HLF: variants seen among roughly 807,000 people sequenced by gnomAD.
HLF encodes HLF transcription factor, PAR bZIP family member.
HLF carries 3 observed loss-of-function variants against 22.6 expected under a neutral mutation model. The ratio of observed to expected loss-of-function variants is 0.13; its 90% confidence interval spans 0.06 to 0.34. The LOEUF is 0.34. Among genes scored for constraint, HLF ranks in the 10% least tolerant of loss-of-function variants. The probability of loss-of-function intolerance (pLI) is 1.00; values close to 1 mark genes in which losing one functional copy is unlikely to be tolerated. For missense variants in HLF, 299 were observed against 389.2 expected (o/e 0.77, Z 1.95); for synonymous variants, 151 against 151.8 (o/e 0.99, Z 0.04).
intron 2 of HLF, among the ~76,000 whole-genome samples, chr17:55,305,777 G>T (rs1259035396): frequency 6.6e-6 from 1 of 152,190 alleles, no homozygotes; most frequent in Non-Finnish European, 1.5e-5. Flanking sequence ...CATTCTGGAA[G>T]GCTGGGTGCC....
intron 2 of HLF, among the ~76,000 whole-genome samples, chr17:55,295,818 A>G (rs942314691): frequency 2.7e-4 from 41 of 152,224 alleles, no homozygotes; most frequent in Non-Finnish European, 3.1e-4. Flanking sequence ...GAAGATGAGT[A>G]AATCAGAGAA....
intron 2 of HLF, among the ~76,000 whole-genome samples, chr17:55,311,516 A>AG (rs1432558990): frequency 1.3e-5 from 2 of 152,092 alleles, no homozygotes; most frequent in Non-Finnish European, 2.9e-5. Context: ...AGAAAAAAAA[A>AG]CAAAAACAAA....
chr17:55,271,634 A>G (rs1282697215), intron 2 of HLF: 1 of 152,020 alleles, frequency 6.6e-6, no homozygotes, highest in African/African-American at 2.4e-5. Flanking sequence ...GGTCCAAGCT[A>G]TTTTCCTGCT....
intron 3 of HLF, 65 bp downstream of exon 3, chr17:55,315,512 G>A: frequency 8.3e-7 from 1 of 1,210,522 alleles, no homozygotes; most frequent in East Asian, 2.4e-5. Flanking sequence ...CAGATTAAAA[G>A]GGTGACCCCA....
chr17:55,293,194 A>G (rs1311663317), intron 2 of HLF, among the ~76,000 whole-genome samples: 1 of 152,242 alleles, frequency 6.6e-6, no homozygotes, highest in Non-Finnish European at 1.5e-5. Flanking sequence ...TGATTTGATC[A>G]TTACACATTA....
intron 1 of HLF, chr17:55,265,839 TC>T (rs1412298563): frequency 3.2e-6 from 4 of 1,265,646 alleles, no homozygotes; most frequent in Non-Finnish European, 4.0e-6. Flanking sequence ...GCACCCGGCC[TC>T]CCTGGGTCCC....
chr17:55,306,673 AG>A (rs1042250020), intron 2 of HLF, among the ~76,000 whole-genome samples: 1 of 152,116 alleles, frequency 6.6e-6, no homozygotes, highest in African/African-American at 2.4e-5. Context: ...GAGCTATGAC[AG>A]GTTCCCAGCT....
At chr17:55,268,178 G>A in intron 2 of HLF, 92 bp downstream of exon 2, 1 of 933,250 alleles carries the variant, frequency 1.1e-6, no homozygotes, top group South Asian at 1.7e-5. Flanking sequence ...TTAACACTCA[G>A]GTTTTAGCAA....
rs57778237 is a variant in HLF at position 55,324,327 on chromosome 17, T to C, written c.*3448T>C. 460 of 228,946 alleles carry C rather than the reference T, an allele frequency of 2.0e-3. 4 individuals are homozygous for C. Among genetic ancestry groups the C allele is most frequent in the African/African-American group, 9.4e-3 (423 of 45,210 alleles). The allele number at this position is 228,946 out of a possible 1,614,324, so 14.2% of individuals were successfully genotyped here. On this transcript the variant is annotated 3_prime_UTR_variant, in exon 4 of 4. Transcript: ENST00000226067. ...GTAATTCCAAATGTACAATCAGATG[T>C]CTAGGGTCTGTTTTCGGAAGAAGCA...
chr17:55,269,984 T>C (rs969904210), intron 2 of HLF, among the ~76,000 whole-genome samples: 1 of 152,250 alleles, frequency 6.6e-6, no homozygotes, highest in Non-Finnish European at 1.5e-5. Context: ...ATATTGGGTG[T>C]TCACACCTTG....
chr17:55,301,312 T>G (rs1270990525), intron 2 of HLF, among the ~76,000 whole-genome samples: 8 of 152,274 alleles, frequency 5.3e-5, no homozygotes, highest in Admixed American at 5.2e-4. Flanking sequence ...AGAGCCTGGC[T>G]CATAGTAGGG....
At chr17:55,304,212 G>A (rs1904435518) in intron 2 of HLF, among the ~76,000 whole-genome samples, 1 of 152,122 alleles carries the variant, frequency 6.6e-6, no homozygotes, top group Admixed American at 6.5e-5. Flanking sequence ...ACAGCTATCG[G>A]GTAGGAGGAG....
chr17:55,292,938 G>T (rs551557700), intron 2 of HLF, among the ~76,000 whole-genome samples: 1 of 152,318 alleles, frequency 6.6e-6, no homozygotes, highest in East Asian at 1.9e-4. Context: ...GAGCTAAAAA[G>T]GTTGATCTCA....
intron 2 of HLF, chr17:55,272,470 C>G (rs2080866772): frequency 6.6e-6 from 1 of 152,106 alleles, no homozygotes; most frequent in Non-Finnish European, 1.5e-5. Context: ...GGCTGTCTTT[C>G]TAGTTCTGAG....
At chr17:55,280,045 C>G (rs1474286222) in intron 2 of HLF, among the ~76,000 whole-genome samples, 1 of 152,190 alleles carries the variant, frequency 6.6e-6, no homozygotes, top group Non-Finnish European at 1.5e-5. Context: ...CAGAGGATTC[C>G]TGGAGAAGTA....
intron 2 of HLF, among the ~76,000 whole-genome samples, chr17:55,312,340 CT>C (rs1428836940): frequency 6.6e-6 from 1 of 152,088 alleles, no homozygotes; most frequent in African/African-American, 2.4e-5. Context: ...TATTTCTTGA[CT>C]TTTTAATAGC....
chr17:55,282,225 G>A (rs879494760), intron 2 of HLF, among the ~76,000 whole-genome samples: 1 of 152,242 alleles, frequency 6.6e-6, no homozygotes, highest in African/African-American at 2.4e-5. Flanking sequence ...GTTCTAAAAT[G>A]CACTTGTAGT....
Position 55,320,640 on chromosome 17 carries a change from T to G in HLF, c.673-24T>G. 6.2e-7 allele frequency: 1 copy of G among 1,608,372 alleles called. No homozygotes were observed. The highest frequency in any genetic ancestry group is 1.1e-5 in the South Asian group (1 of 90,818). ...CTGAAATCTAATATCTTGTTTCTTTTTCCCTTCTGTAACTAATGAGCAGGA... is the reference window on the plus strand; with the variant it reads ...CTGAAATCTAATATCTTGTTTCTTTGTCCCTTCTGTAACTAATGAGCAGGA... On this transcript the variant is annotated intron_variant, in intron 3 of 3. Coordinates refer to ENST00000226067, the MANE Select transcript of HLF (RefSeq NM_002126.5). This position sits in a 1 kb window ranked among gnomAD's most constrained non-coding sequence, Gnocchi z 4.2.
chr17:55,318,888 T>G (rs1489014074), intron 3 of HLF: 1 of 152,414 alleles, frequency 6.6e-6, no homozygotes, highest in African/African-American at 2.4e-5. Context: ...ATGACGTCAT[T>G]GACTCGCCTG....
Sources: allele counts gnomAD v4.1 joint callset (sites outside exome capture counted in the v4.1 genomes callset), GRCh38; gene constraint gnomAD v4.1.1; non-coding constraint Gnocchi (gnomAD v3.1); transcripts MANE v1.5; gene names NCBI Gene and HGNC (gene_info 2026-07-23, HGNC 2026-07-21).